Variants in SGCZ observed in about 807,000 individuals in gnomAD.
The protein encoded by SGCZ is sarcoglycan zeta.
Under a neutral mutation model 41.3 loss-of-function variants are expected in SGCZ, and 40 were observed. The observed-to-expected ratio is 0.97, with a 90% CI of 0.75 to 1.26. SGCZ has a LOEUF of 1.26. Among genes scored for constraint, SGCZ ranks in the 50% most tolerant of loss-of-function variants. The probability of loss-of-function intolerance (pLI) is 0.00; values close to 1 mark genes in which losing one functional copy is unlikely to be tolerated. For missense variants in SGCZ, 552 were observed against 369.8 expected (o/e 1.49, Z -4.04); for synonymous variants, 206 against 137.5 (o/e 1.50, Z -3.49).
intron 2 of SGCZ, among the ~76,000 whole-genome samples, chr8:14,434,566 C>G (rs1800034446): frequency 6.6e-6 from 1 of 152,080 alleles, no homozygotes; most frequent in African/African-American, 2.4e-5. Context: ...GCAGTGTGGT[C>G]ATTTTCACAA....
intron 3 of SGCZ, among the ~76,000 whole-genome samples, chr8:14,323,548 T>A (rs1341191172): frequency 6.6e-6 from 1 of 152,054 alleles, no homozygotes; most frequent in Admixed American, 6.6e-5. Flanking sequence ...TAAGCTACAA[T>A]CTTAATTTTT....
intron 1 of SGCZ, among the ~76,000 whole-genome samples, chr8:15,035,078 T>C (rs1803825758): frequency 1.3e-5 from 2 of 152,078 alleles, no homozygotes; most frequent in Admixed American, 6.6e-5. Context: ...ACTGGTGGTA[T>C]ATAAATCATT....
intron 2 of SGCZ, among the ~76,000 whole-genome samples, chr8:14,523,891 T>A (rs1802863056): frequency 6.6e-6 from 1 of 152,104 alleles, no homozygotes; most frequent in Non-Finnish European, 1.5e-5. Context: ...TCTGTTTTCT[T>A]TCTATTGCTC....
intron 1 of SGCZ, among the ~76,000 whole-genome samples, chr8:14,857,176 C>G (rs1000385560): frequency 6.6e-6 from 1 of 152,260 alleles, no homozygotes; most frequent in East Asian, 1.9e-4. Context: ...GGCCTGCTAA[C>G]CCTTCACCTC....
intron 2 of SGCZ, among the ~76,000 whole-genome samples, chr8:14,462,793 T>C (rs968642847): frequency 3.9e-5 from 6 of 151,900 alleles, no homozygotes; most frequent in African/African-American, 1.4e-4. Flanking sequence ...GCATTGAATC[T>C]GTAGATCATT....
intron 2 of SGCZ, among the ~76,000 whole-genome samples, chr8:14,479,799 G>C (rs952203586): frequency 2.9e-4 from 40 of 139,816 alleles, no homozygotes; most frequent in Admixed American, 7.8e-5. Context: ...TGCTTGGAGT[G>C]CAATCGCATG....
chr8:14,632,681 A>T (rs527771106), intron 1 of SGCZ, among the ~76,000 whole-genome samples: 22 of 152,122 alleles, frequency 1.4e-4, no homozygotes, highest in Non-Finnish European at 2.8e-4. Context: ...TTGATGTCTT[A>T]ACACACAATT....
At chr8:14,898,378 C>T (rs1235989709) in intron 1 of SGCZ, among the ~76,000 whole-genome samples, 4 of 152,158 alleles carry the variant, frequency 2.6e-5, no homozygotes, top group Non-Finnish European at 4.4e-5. Flanking sequence ...CCGAGGCTGC[C>T]GCTGAACCTC....
intron 2 of SGCZ, among the ~76,000 whole-genome samples, chr8:14,493,258 T>A (rs1801893976): frequency 1.3e-5 from 2 of 151,588 alleles, no homozygotes; most frequent in South Asian, 4.2e-4. Flanking sequence ...ACCTCCTCAA[T>A]CTGAATGATT....
At chr8:15,099,989 C>A (rs1371380183) in intron 1 of SGCZ, among the ~76,000 whole-genome samples, 16 of 151,932 alleles carry the variant, frequency 1.1e-4, no homozygotes, top group Admixed American at 3.3e-4. Flanking sequence ...TACCTAGAGC[C>A]AATATCCTAC....
chr8:14,405,671 G>A (rs1799192913), intron 2 of SGCZ, among the ~76,000 whole-genome samples: 1 of 152,080 alleles, frequency 6.6e-6, no homozygotes, highest in African/African-American at 2.4e-5. Context: ...TCTGTGTTTT[G>A]TGACCATATC....
chr8:14,281,576 G>C lies in SGCZ; in HGVS notation c.336+42527C>G, dbSNP rs542742972. ...AAGGTTTGGGGGCCTCCAATTTATA[G>C]ACCATCTAGTGATAAAATCTAAACT... On this transcript the variant is annotated intron_variant, in intron 3 of 7. Coordinates refer to ENST00000382080, the MANE Select transcript of SGCZ (RefSeq NM_139167.4). Among the ~76,000 whole-genome samples the C allele has an allele frequency of 2.0e-3, 298 of 152,080 alleles. 1 individual carries two copies. Among genetic ancestry groups the C allele is most frequent in the African/African-American group, 6.8e-3 (281 of 41,540 alleles).
intron 3 of SGCZ, among the ~76,000 whole-genome samples, chr8:14,295,901 T>G (rs1379275065): frequency 2.6e-5 from 4 of 152,096 alleles, no homozygotes; most frequent in Non-Finnish European, 5.9e-5. Flanking sequence ...AGTCCCCTAT[T>G]AGGTCTGTAG....
intron 1 of SGCZ, among the ~76,000 whole-genome samples, chr8:15,117,173 C>A (rs933867812): frequency 6.6e-6 from 1 of 151,934 alleles, no homozygotes; most frequent in African/African-American, 2.4e-5. Context: ...AGATCGAGAC[C>A]ACGGTGAAAC....
At chr8:14,504,766 G>GTCC in intron 2 of SGCZ, among the ~76,000 whole-genome samples, 1 of 152,204 alleles carries the variant, frequency 6.6e-6, no homozygotes, top group East Asian at 1.9e-4. Context: ...TCTGGAAGAG[G>GTCC]TCCTAGCCTG....
chr8:14,182,674 G>C (rs1043953588), intron 4 of SGCZ, among the ~76,000 whole-genome samples: 1 of 152,150 alleles, frequency 6.6e-6, no homozygotes, highest in African/African-American at 2.4e-5. Flanking sequence ...AAATTTGTTA[G>C]ATCAGTGATG....
At chr8:14,219,126 T>C (rs1209155740) in intron 4 of SGCZ, among the ~76,000 whole-genome samples, 2 of 152,166 alleles carry the variant, frequency 1.3e-5, no homozygotes, top group African/African-American at 4.8e-5. Context: ...CATTTCTCAA[T>C]TGGATTGTGA....
At chr8:14,261,035 C>A (rs1419754947) in intron 3 of SGCZ, among the ~76,000 whole-genome samples, 2 of 151,966 alleles carry the variant, frequency 1.3e-5, no homozygotes, top group African/African-American at 2.4e-5. Context: ...CAGCATGGCA[C>A]ATGTATACGT....
At chr8:14,496,589 G>A (rs1008985302) in intron 2 of SGCZ, among the ~76,000 whole-genome samples, 5 of 152,070 alleles carry the variant, frequency 3.3e-5, no homozygotes, top group Non-Finnish European at 7.4e-5. Flanking sequence ...CATTAAGTTT[G>A]ATTTTGAGAG....
Sources: allele counts gnomAD v4.1 joint callset (sites outside exome capture counted in the v4.1 genomes callset), GRCh38; gene constraint gnomAD v4.1.1; transcripts MANE v1.5; gene names NCBI Gene and HGNC (gene_info 2026-07-23, HGNC 2026-07-21).